HPS4: variants seen among roughly 807,000 people sequenced by gnomAD.
The protein encoded by HPS4 is HPS4 biogenesis of lysosomal organelles complex 3 subunit 2, also known as BLOC-3 complex member HPS4.
In HPS4, 44 loss-of-function variants were observed where a neutral mutation model predicts 70.3. That is an observed-to-expected ratio of 0.63 (90% CI 0.49 to 0.80). The LOEUF (loss-of-function observed/expected upper bound fraction) is 0.80. HPS4 is among the 30% of genes least tolerant of loss of function. The pLI is 0.00. For synonymous variants in HPS4, 377 were observed against 355.9 expected (o/e 1.06, Z -0.67); for missense variants, 873 against 884.4 (o/e 0.99, Z 0.16).
At chr22:26,443,231 C>T (rs759301055), downstream of HPS4, 10 of 1,592,586 alleles carry the variant, frequency 6.3e-6, no homozygotes, top group Admixed American at 1.7e-5. Flanking sequence ...CTGGAGTCGG[C>T]GAGAAGGGCC....
rs144248515 is a variant in HPS4, at chr22:26,453,383, G to A, written c.1977C>T (p.Tyr659=). The A allele has an allele frequency of 7.4e-6, 12 of 1,614,028 alleles. 1 individual carries two copies. In the East Asian group the frequency reaches 1.1e-4, roughly 15 times the overall value. ...TCTCCTGGATGGGGTTGCAACAGGC[G>A]TACACAGCCGTGGAGGCATTTCTGT... is the stretch of plus-strand genomic sequence containing the variant. ...MTVRNASTAV[Y]ACCNPIQETY... is the part of the protein sequence containing the mutation. Residue 659 remains tyrosine, a synonymous_variant, in exon 14 of 14, where the codon TAC becomes TAT. Transcript: ENST00000398145.
rs58708957 is a variant in HPS4 at position 26,478,570 on chromosome 22, CAAAAAAAAA to C, written c.132+686_132+694del. Among the ~76,000 whole-genome samples, 3 of 111,246 alleles carry C rather than the reference CAAAAAAAAA, an allele frequency of 2.7e-5. No homozygotes were observed. In the East Asian group the frequency reaches 7.7e-4, roughly 29 times the overall value. The allele number at this position is 111,246 out of a possible 152,430, so 73.0% of individuals were successfully genotyped here. On this transcript the variant is annotated intron_variant, in intron 3 of 13. Transcript: ENST00000398145. ...TGGGTGACAGAGTGAGCCTCCATCA[CAAAAAAAAA>C]AAAAAAAAAATCGGCAAAGTATTGA... is the stretch of plus-strand genomic sequence containing the variant.
chr22:26,464,945 G>A, intron 10 of HPS4, 119 bp from the exon 11 acceptor site: 1 of 850,652 alleles, frequency 1.2e-6, no homozygotes, highest in Non-Finnish European at 1.8e-6. Flanking sequence ...AGGCCACAGA[G>A]CCTAAGAGGC....
chr22:26,456,495 C>G lies in HPS4; in HGVS notation c.1955+1364G>C, dbSNP rs370464320. Among the ~76,000 whole-genome samples the G allele has an allele frequency of 7.0e-4, 106 of 152,254 alleles. No individual in the cohort carries two copies. In the South Asian group the frequency reaches 0.021, roughly 31 times the overall value. Reference sequence around the variant, plus strand: ...CCAACATGGTGAAACCCTATCTCTACTAAAAATACAAAAATTAGCTGGGCA... The same window carrying G: ...CCAACATGGTGAAACCCTATCTCTAGTAAAAATACAAAAATTAGCTGGGCA... On this transcript the variant is annotated intron_variant, in intron 13 of 13. Transcript: ENST00000398145.
At chr22:26,478,222 T>C (rs932918604) in intron 3 of HPS4, among the ~76,000 whole-genome samples, 8 of 151,714 alleles carry the variant, frequency 5.3e-5, no homozygotes, top group Non-Finnish European at 1.0e-4. Flanking sequence ...ACATCTAGAA[T>C]TTGCTCCAGG....
At chr22:26,468,732 G>A in intron 7 of HPS4, 109 bp from the exon 8 acceptor site, 1 of 993,832 alleles carries the variant, frequency 1.0e-6, no homozygotes, top group South Asian at 1.4e-5. Context: ...TGGGGACTTG[G>A]CTGGTGGGAG....
chr22:26,443,180 G>C (rs1223465879), downstream of HPS4: 1 of 1,614,126 alleles, frequency 6.2e-7, no homozygotes, highest in Non-Finnish European at 8.5e-7. Flanking sequence ...GCAGGCTCTT[G>C]ATTTCATCTT....
At position 26,453,369 on chromosome 22, in the gene HPS4, G is replaced by A; in HGVS notation, c.1991C>T (p.Pro664Leu). Residue 664 changes from proline (P) to leucine (L), a missense_variant, in exon 14 of 14, where the codon CCC (proline) becomes CTC (leucine). Coordinates refer to ENST00000398145, the MANE Select transcript of HPS4 (RefSeq NM_022081.6). ...CTGCTGGAAATATGTCTCCTGGATG[G>A]GGTTGCAACAGGCGTACACAGCCGT... ...ASTAVYACCN[P>L]IQETYFQQLA... is the part of the protein sequence containing the mutation. 1 of 1,614,166 alleles carries A rather than the reference G, an allele frequency of 6.2e-7. No homozygotes were observed. The highest frequency in any genetic ancestry group is 1.7e-5 in the Admixed American group (1 of 60,022).
Position 26,452,038 on chromosome 22 carries a change from ACAC to A in HPS4, c.*1192_*1194del, listed in dbSNP as rs2085314617. On this transcript the variant is annotated 3_prime_UTR_variant, in exon 14 of 14. Coordinates refer to ENST00000398145, the MANE Select transcript of HPS4 (RefSeq NM_022081.6). The stretch of plus-strand genomic sequence containing the variant: ...CACACACACACACACACACACACAC[ACAC>A]ACTGTCTTAACCCTTACCTTTGTCA... 2 of 317,340 alleles carry A rather than the reference ACAC, an allele frequency of 6.3e-6. No homozygotes were observed. Among genetic ancestry groups the A allele is most frequent in the Admixed American group, 4.8e-5 (1 of 20,678 alleles). 19.7% of individuals were successfully genotyped at this position (317,340 alleles called of 1,614,324 possible).
At chr22:26,479,815 T>A in intron 2 of HPS4, 1 of 401,970 alleles carries the variant, frequency 2.5e-6, no homozygotes, top group Non-Finnish European at 3.4e-6. Flanking sequence ...CTTAAACATT[T>A]ACTGAGGGCC....
At chr22:26,458,625 G>A in intron 11 of HPS4, 48 bp from the exon 12 acceptor site, 7 of 1,609,562 alleles carry the variant, frequency 4.3e-6, no homozygotes, top group Non-Finnish European at 5.9e-6. Context: ...ACCTCAGCAA[G>A]CCTTCTGAGG....
chr22:26,473,380 C>T (rs960518787), intron 4 of HPS4, among the ~76,000 whole-genome samples: 8 of 152,314 alleles, frequency 5.3e-5, no homozygotes, highest in Non-Finnish European at 1.0e-4. Context: ...TCATGTTTCT[C>T]CAGCTGGATA....
At chr22:26,448,466 A>G (rs534454504), downstream of HPS4, among the ~76,000 whole-genome samples, 4 of 152,354 alleles carry the variant, frequency 2.6e-5, no homozygotes, top group Admixed American at 2.6e-4. Context: ...AGGATGCACA[A>G]GGTGTCTTTG....
chr22:26,469,710 A>T (rs60631619), intron 7 of HPS4, among the ~76,000 whole-genome samples: 2,430 of 142,006 alleles, frequency 0.017, 19 homozygotes, highest in African/African-American at 0.024. Flanking sequence ...AAGAAAAAAA[A>T]ATATATATAT....
At chr22:26,472,967 G>GC (rs747425144) in intron 4 of HPS4, 28 bp from the exon 5 acceptor site, 2 of 1,585,036 alleles carry the variant, frequency 1.3e-6, no homozygotes, top group South Asian at 2.2e-5. Flanking sequence ...AGGAAGACAA[G>GC]CATCTTCCTT....
At chr22:26,479,237 C>A (rs1356574898) in intron 3 of HPS4, 28 bp downstream of exon 3, 1 of 1,613,648 alleles carries the variant, frequency 6.2e-7, no homozygotes, top group Admixed American at 1.7e-5. Context: ...GGGATCCTCA[C>A]TGAACAATAA....
At chr22:26,455,278 C>A (rs2085898775) in intron 13 of HPS4, among the ~76,000 whole-genome samples, 2 of 152,064 alleles carry the variant, frequency 1.3e-5, no homozygotes, top group Non-Finnish European at 2.9e-5. Context: ...AAGACACATG[C>A]ACACGTATGT....
In HPS4 at chr22:26,481,745, G is replaced by T; in HGVS notation, c.18C>A (p.Ser6=). The T allele has an allele frequency of 6.2e-7, 1 of 1,614,158 alleles. No homozygotes were observed. Residue 6 remains serine, a synonymous_variant, in exon 2 of 14, where the codon TCC becomes TCA. Transcript: ENST00000398145. ...ACCACGAGGCTGACTTTGCCTCTGT[G>T]GAGGTAGAGGTGGCCATCTACTGTG... MATST[S]TEAKSASWWN... is the part of the protein sequence containing the mutation.
chr22:26,469,343 T>C (rs1231813418), intron 7 of HPS4, among the ~76,000 whole-genome samples: 1 of 151,526 alleles, frequency 6.6e-6, no homozygotes, highest in Non-Finnish European at 1.5e-5. Flanking sequence ...TGCTTGTTGT[T>C]CCAGCTACGT....
Sources: allele counts gnomAD v4.1 joint callset (sites outside exome capture counted in the v4.1 genomes callset), GRCh38; gene constraint gnomAD v4.1.1; transcripts MANE v1.5; gene names NCBI Gene and HGNC (gene_info 2026-07-23, HGNC 2026-07-21).